Variants in DOCK10 observed in about 807,000 individuals in gnomAD.
DOCK10 encodes dedicator of cytokinesis protein 10.
In DOCK10, 145 loss-of-function variants were observed where a neutral mutation model predicts 280.1. The ratio of observed to expected loss-of-function variants is 0.52; its 90% CI spans 0.45 to 0.59. The LOEUF is 0.59. DOCK10 is among the 20% of genes least tolerant of loss of function. The probability of loss-of-function intolerance (pLI) is 0.00; values close to 1 mark genes in which losing one functional copy is unlikely to be tolerated. For synonymous variants in DOCK10, 915 were observed against 942.2 expected (o/e 0.97, Z 0.53); for missense variants, 2,368 against 2,651.7 (o/e 0.89, Z 2.35).
chr2:225,014,020 A>C (rs1478271124), intron 1 of DOCK10, among the ~76,000 whole-genome samples: 2 of 151,192 alleles, frequency 1.3e-5, no homozygotes, highest in Non-Finnish European at 2.9e-5. Context: ...TGCTACTTAG[A>C]CCACAGCCAT....
Position 224,974,662 on chromosome 2 carries a change from A to G in DOCK10, c.124-42994T>C, listed in dbSNP as rs933698453. ...AATTAACAGACGTTTTATTAGCAGTAATTTGTTGGAGTCTATACTTTTTCT... is the reference window on the plus strand; with the variant it reads ...AATTAACAGACGTTTTATTAGCAGTGATTTGTTGGAGTCTATACTTTTTCT... On this transcript the variant is annotated intron_variant, in intron 1 of 55. Transcript: ENST00000258390. Among the ~76,000 whole-genome samples the G allele has an allele frequency of 3.4e-4, 51 of 150,856 alleles. 1 individual carries two copies. The highest frequency in any genetic ancestry group is 5.5e-4 in the Non-Finnish European group (37 of 67,726).
intron 28 of DOCK10, among the ~76,000 whole-genome samples, chr2:224,821,258 G>A (rs1694485447): frequency 6.6e-6 from 1 of 152,158 alleles, no homozygotes; most frequent in Non-Finnish European, 1.5e-5. Context: ...AGCAACCCAT[G>A]GAGTTACAAT....
intron 25 of DOCK10, among the ~76,000 whole-genome samples, chr2:224,834,946 T>C (rs779202678): frequency 2.6e-5 from 4 of 152,238 alleles, no homozygotes; most frequent in Non-Finnish European, 5.9e-5. Flanking sequence ...TTATAATATT[T>C]CACTTATGAA....
chr2:224,778,135 T>C lies in DOCK10; in HGVS notation c.5802+3A>G. On this transcript the variant is annotated splice_donor_region_variant and intron_variant, in intron 51 of 55. Coordinates refer to ENST00000258390, the MANE Select transcript of DOCK10 (RefSeq NM_014689.3). ...ACTTGCATGAATACTGATTTTCCTCTACCTTGTTGGAATCCTGGATTATCT... is the reference window on the plus strand; with the variant it reads ...ACTTGCATGAATACTGATTTTCCTCCACCTTGTTGGAATCCTGGATTATCT... 1 of 1,612,744 alleles carries C rather than the reference T, an allele frequency of 6.2e-7. No individual in the cohort carries two copies. The highest frequency in any genetic ancestry group is 8.5e-7 in the Non-Finnish European group (1 of 1,179,158).
intron 7 of DOCK10, among the ~76,000 whole-genome samples, chr2:224,878,883 C>T (rs967609796): frequency 6.6e-6 from 1 of 152,150 alleles, no homozygotes; most frequent in Non-Finnish European, 1.5e-5. Context: ...CTAAGTGCAG[C>T]GATATAATTG....
rs1219469741 is a variant in DOCK10 at position 224,874,330 on chromosome 2, T to A, written c.1037A>T (p.Asp346Val). The A allele has an allele frequency of 1.9e-6, 3 of 1,612,162 alleles. No individual in the cohort carries two copies. Among genetic ancestry groups the A allele is most frequent in the Non-Finnish European group, 2.5e-6 (3 of 1,179,178 alleles). The change falls in exon 10 of 56, where the codon GAT becomes GTT. Residue 346 changes from aspartate (D) to valine (V), a missense_variant. Physicochemically the swap from Asp to Val is radical, Grantham distance 152 (BLOSUM62 -3). This residue lies in a region of DOCK10 where 1,209 missense variants were observed against 1,250.9 expected (regional missense o/e 0.97). Coordinates refer to ENST00000258390, the MANE Select transcript of DOCK10 (RefSeq NM_014689.3). ...DFAKYLTETE[D>V]TVKTTRNMER... ...CATGTTTCGAGTTGTTTTTACAGTA[T>A]CTTCTGTTTCTGTGAGGTACTACAG...
chr2:224,895,669 G>T (rs1699934105), intron 4 of DOCK10, among the ~76,000 whole-genome samples: 1 of 152,086 alleles, frequency 6.6e-6, no homozygotes, highest in Non-Finnish European at 1.5e-5. Context: ...AACAGACACT[G>T]AATTAATTTC....
chr2:224,959,627 C>T (rs1483062554), intron 1 of DOCK10, among the ~76,000 whole-genome samples: 1 of 152,120 alleles, frequency 6.6e-6, no homozygotes, highest in Non-Finnish European at 1.5e-5. Context: ...TGACATTGCC[C>T]TTGACATGAT....
Position 224,916,573 on chromosome 2 carries a change from A to C in DOCK10, c.333+122T>G, listed in dbSNP as rs1273818196. On this transcript the variant is annotated intron_variant, in intron 3 of 55. Transcript: ENST00000258390. ...AAAAAAAAAAAAAAAGACATCCACT[A>C]GTTAGAATATTTGGAATTATCTATT... 16 of 508,328 alleles carry C rather than the reference A, an allele frequency of 3.1e-5. No homozygotes were observed. In the Middle Eastern group the frequency reaches 1.6e-3, roughly 51 times the overall value. 31.5% of individuals were successfully genotyped at this position (508,328 alleles called of 1,614,324 possible).
chr2:224,854,881 A>T, intron 16 of DOCK10, 82 bp downstream of exon 16: 1 of 1,118,434 alleles, frequency 8.9e-7, no homozygotes, highest in Non-Finnish European at 1.3e-6. Flanking sequence ...CCAACCAACC[A>T]ACCAACCAAC....
intron 22 of DOCK10, among the ~76,000 whole-genome samples, chr2:224,843,891 C>T (rs1358540448): frequency 1.3e-5 from 2 of 152,054 alleles, no homozygotes; most frequent in African/African-American, 4.8e-5. Context: ...AATATTTCTC[C>T]TTTGGATCAC....
intron 3 of DOCK10, among the ~76,000 whole-genome samples, chr2:224,904,077 G>A (rs889907799): frequency 1.3e-5 from 2 of 151,992 alleles, no homozygotes; most frequent in East Asian, 1.9e-4. Context: ...AAATTGGGGC[G>A]ATCCATTTTG....
chr2:224,793,482 G>C (rs1460335013), intron 45 of DOCK10, 25 bp from the exon 46 acceptor site: 90 of 1,599,078 alleles, frequency 5.6e-5, no homozygotes, highest in Non-Finnish European at 7.4e-5. Flanking sequence ...AAAATAAAGA[G>C]GCTCAGGGGA....
intron 1 of DOCK10, among the ~76,000 whole-genome samples, chr2:224,959,407 G>A (rs777919248): frequency 8.0e-5 from 12 of 150,480 alleles, no homozygotes; most frequent in Admixed American, 2.0e-4. Context: ...ACCTACAACC[G>A]GACCCCAAAA....
chr2:224,904,492 T>C (rs901017717), intron 3 of DOCK10, among the ~76,000 whole-genome samples: 8 of 152,204 alleles, frequency 5.3e-5, no homozygotes, highest in African/African-American at 7.2e-5. Context: ...ATTGTTCATA[T>C]AGCCCTGAGG....
At chr2:224,916,593 T>A (rs1332385812) in intron 3 of DOCK10, 102 bp downstream of exon 3, 10 of 652,712 alleles carry the variant, frequency 1.5e-5, no homozygotes, top group Admixed American at 3.0e-5. Flanking sequence ...TTTGGAATTA[T>A]CTATTGAAAA....
At chr2:224,798,008 A>C (rs749080391) in intron 41 of DOCK10, 39 bp from the exon 42 acceptor site, 4 of 1,592,642 alleles carry the variant, frequency 2.5e-6, no homozygotes, top group Non-Finnish European at 2.6e-6. Context: ...GATAAGTGAA[A>C]GAAAATTTTC....
Position 224,911,131 on chromosome 2 carries a change from G to A in DOCK10, c.333+5564C>T, listed in dbSNP as rs555914969. Among the ~76,000 whole-genome samples the A allele has an allele frequency of 9.2e-5, 14 of 152,236 alleles. No homozygotes were observed. In the South Asian group the frequency reaches 2.9e-3, roughly 32 times the overall value. On this transcript the variant is annotated intron_variant, in intron 3 of 55. Transcript: ENST00000258390. The stretch of plus-strand genomic sequence containing the variant: ...TCTAGGGCGAAAGGCACTCTACTTG[G>A]TTTCTCCTTGGAGCAGTTCTTAGAG...
intron 47 of DOCK10, among the ~76,000 whole-genome samples, chr2:224,791,961 A>G (rs1455194533): frequency 1.3e-5 from 2 of 152,230 alleles, no homozygotes; most frequent in African/African-American, 4.8e-5. Context: ...TTGTACACGG[A>G]GTTTTCCACT....
Sources: gnomAD v4.1 joint callset for allele counts (sites outside exome capture counted in the v4.1 genomes callset) on GRCh38, gnomAD v4.1.1 for gene constraint, gnomAD v4.1.1 regional missense constraint, MANE v1.5 for transcripts, NCBI Gene and HGNC (gene_info 2026-07-23, HGNC 2026-07-21) for gene names.